Variants in ZC3H4 observed in about 807,000 individuals in gnomAD.
ZC3H4 encodes zinc finger CCCH domain-containing protein 4.
ZC3H4 carries 13 observed loss-of-function variants against 108.3 expected under a neutral mutation model. The ratio of observed to expected loss-of-function variants is 0.12; its 90% CI spans 0.08 to 0.19. ZC3H4 has a LOEUF of 0.19. Among genes scored for constraint, ZC3H4 ranks in the 10% least tolerant of loss-of-function variants. The probability of loss-of-function intolerance (pLI) is 1.00; values close to 1 mark genes in which losing one functional copy is unlikely to be tolerated. For missense variants in ZC3H4, 1,734 were observed against 1,838.8 expected (o/e 0.94, Z 1.04); for synonymous variants, 917 against 749.6 (o/e 1.22, Z -3.65).
At chr19:47,097,714 G>A (rs1450826582) in intron 2 of ZC3H4, among the ~76,000 whole-genome samples, 1 of 152,158 alleles carries the variant, frequency 6.6e-6, no homozygotes, top group African/African-American at 2.4e-5. Context: ...AATGCCAAGG[G>A]AACATGCTTA....
intron 4 of ZC3H4, 144 bp from the exon 5 acceptor site, chr19:47,090,333 CT>C: frequency 2.4e-6 from 2 of 845,450 alleles, no homozygotes; most frequent in Non-Finnish European, 3.7e-6. Flanking sequence ...TCTCCAGCCC[CT>C]CTGGGGACTG....
Position 47,066,722 on chromosome 19 carries a change from G to A in ZC3H4, c.3546C>T (p.Ala1182=), listed in dbSNP as rs1320086747. ...CGAACGGGGGCTCCTTAGCCTTGGA[G>A]GCCGAGCTCTTGCCATTGCCCTCAG... The part of the protein sequence containing the change: ...KGAEGNGKSS[A]SKAKEPPFVR... Residue 1182 remains alanine (A), a synonymous_variant, in exon 15 of 15, where the codon GCC becomes GCT. Transcript: ENST00000253048. The A allele has an allele frequency of 3.7e-6, 6 of 1,607,548 alleles. No homozygotes were observed. The highest frequency in any genetic ancestry group is 4.5e-5 in the East Asian group (2 of 44,778).
At chr19:47,091,417 A>C (rs1206843362) in intron 4 of ZC3H4, among the ~76,000 whole-genome samples, 1 of 151,894 alleles carries the variant, frequency 6.6e-6, no homozygotes, top group Non-Finnish European at 1.5e-5. Flanking sequence ...CTAAAAATAC[A>C]AAATGAATTA....
chr19:47,094,099 G>A lies in ZC3H4; in HGVS notation c.382-19C>T. 2.5e-6 allele frequency: 4 copies of A among 1,611,378 alleles called. No homozygotes were observed. Among genetic ancestry groups the A allele is most frequent in the South Asian group, 1.1e-5 (1 of 91,024 alleles). On this transcript the variant is annotated intron_variant, in intron 3 of 14. Coordinates refer to ENST00000253048, the MANE Select transcript of ZC3H4 (RefSeq NM_015168.2). The stretch of plus-strand genomic sequence containing the variant: ...CATGGCGCTGTAATGACAGGGGAAG[G>A]AGACTCAGCAACCTGCCACAGGCAG...
chr19:47,086,248 C>T (rs2057619544), intron 6 of ZC3H4, 136 bp downstream of exon 6: 3 of 959,958 alleles, frequency 3.1e-6, no homozygotes, highest in Non-Finnish European at 4.8e-6. Context: ...CATACATCTG[C>T]GCTCTGAGGC....
chr19:47,093,432 C>G (rs537296198), intron 4 of ZC3H4, among the ~76,000 whole-genome samples: 1 of 152,286 alleles, frequency 6.6e-6, no homozygotes, highest in Admixed American at 6.5e-5. Context: ...GGAAGCCAGT[C>G]AGCCGTGACG....
chr19:47,075,257 G>T (rs971635119), intron 11 of ZC3H4, among the ~76,000 whole-genome samples: 1 of 152,172 alleles, frequency 6.6e-6, no homozygotes, highest in Non-Finnish European at 1.5e-5. Context: ...AGGGGGACCC[G>T]TGGAGGCAGA....
chr19:47,068,312 AC>A (rs2057257468), intron 14 of ZC3H4, among the ~76,000 whole-genome samples: 1 of 152,130 alleles, frequency 6.6e-6, no homozygotes, highest in South Asian at 2.1e-4. Context: ...AGCTGTGGGC[AC>A]CTCTTTCTGG....
intron 4 of ZC3H4, among the ~76,000 whole-genome samples, chr19:47,092,369 CCCT>C (rs1292293361): frequency 1.3e-5 from 2 of 152,192 alleles, no homozygotes; most frequent in Non-Finnish European, 1.5e-5. Context: ...ACGCAATGTT[CCCT>C]CCATTTCCTG....
intron 2 of ZC3H4, among the ~76,000 whole-genome samples, chr19:47,105,146 C>T (rs2057952342): frequency 6.6e-6 from 1 of 152,160 alleles, no homozygotes; most frequent in Non-Finnish European, 1.5e-5. Context: ...CTCCTCATTC[C>T]TTCCCACCAC....
At position 47,094,432 on chromosome 19, in the gene ZC3H4, T is replaced by C; in HGVS notation, c.338A>G (p.Lys113Arg). Residue 113 changes from lysine to arginine, a missense_variant, in exon 3 of 15, where the codon AAA (lysine) becomes AGA (arginine). Physicochemically the swap from Lys to Arg is conservative, Grantham distance 26. This residue lies in a region of ZC3H4 where 403 missense variants were observed against 457.0 expected (regional missense o/e 0.88). Coordinates refer to ENST00000253048, the MANE Select transcript of ZC3H4 (RefSeq NM_015168.2). ...LKRKRKKEREKEKRRSKKRRK... is the reference protein window; with the variant it reads ...LKRKRKKEREREKRRSKKRRK... ...CCTCTTCTTCGACCTCCTTTTCTCT[T>C]TCTCCCGCTCTTTCTTCCGTTTCCG... is the stretch of plus-strand genomic sequence containing the variant. The C allele has an allele frequency of 6.2e-7, 1 of 1,614,180 alleles. No homozygotes were observed. Among genetic ancestry groups the C allele is most frequent in the Non-Finnish European group, 8.5e-7 (1 of 1,180,032 alleles).
At chr19:47,093,715 C>T (rs1051486547) in intron 4 of ZC3H4, 6 of 367,584 alleles carry the variant, frequency 1.6e-5, no homozygotes, top group Middle Eastern at 1.6e-3. Flanking sequence ...CCTCTGCCTC[C>T]TGAGTAGCTG....
intron 11 of ZC3H4, among the ~76,000 whole-genome samples, chr19:47,081,201 T>C (rs1286617734): frequency 6.6e-6 from 1 of 152,232 alleles, no homozygotes; most frequent in East Asian, 1.9e-4. Flanking sequence ...CTTTGTGTAT[T>C]GTGAGCTCTC....
chr19:47,086,653 C>G, intron 5 of ZC3H4, 115 bp from the exon 6 acceptor site: 1 of 1,341,708 alleles, frequency 7.5e-7, no homozygotes, highest in Non-Finnish European at 9.7e-7. Flanking sequence ...CCTCCTCCTT[C>G]TCCTCCTCCT....
In ZC3H4 at chr19:47,084,414, C is replaced by T. The variant is rs763425609; in HGVS notation, c.1149G>A (p.Lys383=). 61 of 1,614,126 alleles carry T rather than the reference C, an allele frequency of 3.8e-5. No individual in the cohort carries two copies. The highest frequency in any genetic ancestry group is 5.1e-5 in the Non-Finnish European group (60 of 1,180,050). Residue 383 remains lysine, a synonymous_variant, in exon 9 of 15, where the codon AAG becomes AAA. Transcript: ENST00000253048. ...CTTTCTTGTCCGACTGCTGGTGGGG[C>T]TTGTCATGGTCACGACTCCGGTAGC... ...GGSYRSRDHD[K]PHQQSDKKGK...
chr19:47,077,146 C>G (rs1434152997), intron 11 of ZC3H4, among the ~76,000 whole-genome samples: 1 of 148,028 alleles, frequency 6.8e-6, no homozygotes, highest in African/African-American at 2.5e-5. Context: ...GACGACAGAG[C>G]GAGATTCCGT....
intron 11 of ZC3H4, among the ~76,000 whole-genome samples, chr19:47,077,106 G>A (rs150271386): frequency 6.4e-4 from 98 of 152,244 alleles, no homozygotes; most frequent in Non-Finnish European, 1.9e-4. Context: ...GTTGCAGTGA[G>A]CCAACACTGC....
intron 2 of ZC3H4, among the ~76,000 whole-genome samples, chr19:47,095,729 TCACA>T (rs1169537812): frequency 6.6e-6 from 1 of 152,142 alleles, no homozygotes; most frequent in Non-Finnish European, 1.5e-5. Flanking sequence ...GACACAGTGT[TCACA>T]AGTACAGGAG....
At chr19:47,092,385 T>C (rs1229864591) in intron 4 of ZC3H4, among the ~76,000 whole-genome samples, 4 of 152,232 alleles carry the variant, frequency 2.6e-5, no homozygotes, top group Non-Finnish European at 4.4e-5. Flanking sequence ...ATTTCCTGCC[T>C]CCCTCAGGTT....
Sources: gnomAD v4.1 joint callset for allele counts (sites outside exome capture counted in the v4.1 genomes callset) on GRCh38, gnomAD v4.1.1 for gene constraint, gnomAD v4.1.1 regional missense constraint, MANE v1.5 for transcripts, NCBI Gene and HGNC (gene_info 2026-07-23, HGNC 2026-07-21) for gene names.